RNF213: variants seen among roughly 807,000 people sequenced by gnomAD.
The protein encoded by RNF213 is ring finger protein 213, also known as E3 ubiquitin-protein ligase RNF213.
In RNF213, 341 loss-of-function variants were observed where a neutral mutation model predicts 514.4. The observed-to-expected ratio is 0.66, with a 90% CI of 0.61 to 0.73. RNF213 has a LOEUF of 0.73. RNF213 is among the 30% of genes least tolerant of loss of function. The probability of loss-of-function intolerance (pLI) is 0.00; values close to 1 mark genes in which losing one functional copy is unlikely to be tolerated. For synonymous variants in RNF213, 2,655 were observed against 2,658.2 expected (o/e 1.00, Z 0.04); for missense variants, 5,767 against 6,615.6 (o/e 0.87, Z 4.45).
chr17:80,314,300 G>C (rs1483222483), intron 15 of RNF213, among the ~76,000 whole-genome samples: 1 of 88,876 alleles, frequency 1.1e-5, no homozygotes, highest in Admixed American at 1.1e-4. Flanking sequence ...TGATGGTGGT[G>C]GACGTGATGG....
At chr17:80,326,399 C>T (rs1399936585) in intron 18 of RNF213, among the ~76,000 whole-genome samples, 1 of 152,186 alleles carries the variant, frequency 6.6e-6, no homozygotes, top group Non-Finnish European at 1.5e-5. Flanking sequence ...ACGGGCAGTA[C>T]CCTGTTAGTA....
At chr17:80,337,292 C>T (rs1259499490) in intron 23 of RNF213, among the ~76,000 whole-genome samples, 2 of 152,182 alleles carry the variant, frequency 1.3e-5, no homozygotes, top group Non-Finnish European at 2.9e-5. Context: ...GCTGCTCATT[C>T]CCCTCCACTC....
intron 59 of RNF213, 99 bp downstream of exon 59, chr17:80,384,027 A>T: frequency 7.0e-7 from 1 of 1,422,270 alleles, no homozygotes. Context: ...CATTCTTAAC[A>T]GACTATTCCA....
At chr17:80,289,884 C>G in intron 6 of RNF213, 47 bp downstream of exon 6, 1 of 1,542,584 alleles carries the variant, frequency 6.5e-7, no homozygotes, top group African/African-American at 1.4e-5. Context: ...GCCTGAGAGC[C>G]CGGCACACCC....
At chr17:80,351,218 G>A (rs1467879668) in intron 31 of RNF213, among the ~76,000 whole-genome samples, 1 of 152,222 alleles carries the variant, frequency 6.6e-6, no homozygotes, top group Non-Finnish European at 1.5e-5. Flanking sequence ...TACAGGGGCT[G>A]TTTCCTGTAA....
At position 80,383,075 on chromosome 17, in the gene RNF213, G is replaced by C; in HGVS notation, c.14070+5G>C. The C allele has an allele frequency of 6.2e-7, 1 of 1,604,428 alleles. No individual in the cohort carries two copies. Among genetic ancestry groups the C allele is most frequent in the South Asian group, 1.1e-5 (1 of 90,900 alleles). On this transcript the variant is annotated splice_donor_5th_base_variant and intron_variant, in intron 58 of 67. Transcript: ENST00000582970. The stretch of plus-strand genomic sequence containing the variant: ...GTGATTTCTCCTGAACTGGAGGTAA[G>C]CAGTAAGTGCTGACAGCTGGGTTGC...
chr17:80,340,608 GGTTTTT>G, intron 26 of RNF213: 1 of 224,786 alleles, frequency 4.4e-6, no homozygotes, highest in Non-Finnish European at 8.1e-6. Flanking sequence ...TGTACTTTGT[GGTTTTT>G]TTTTTTTTTT....
In RNF213 at chr17:80,373,181, G is replaced by A. The variant is rs370346019; in HGVS notation, c.12942+16G>A. The A allele has an allele frequency of 7.2e-5, 115 of 1,602,134 alleles. No individual in the cohort carries two copies. The Middle Eastern group carries it at 1.1e-3, about 15-fold the overall frequency. ...CAAGCAGCAGGTGAGAAGCGGGGCCGGGCAGCACACAAACATGCACCCCCA... is the reference window on the plus strand; with the variant it reads ...CAAGCAGCAGGTGAGAAGCGGGGCCAGGCAGCACACAAACATGCACCCCCA... On this transcript the variant is annotated intron_variant, in intron 49 of 67. Coordinates refer to ENST00000582970, the MANE Select transcript of RNF213 (RefSeq NM_001256071.3).
In RNF213 at chr17:80,317,223, G is replaced by T. The variant is rs140980905; in HGVS notation, c.2847G>T (p.Ala949=). 6.2e-7 allele frequency: 1 copy of T among 1,612,888 alleles called. No homozygotes were observed. The highest frequency in any genetic ancestry group is 8.5e-7 in the Non-Finnish European group (1 of 1,179,858). The change falls in exon 16 of 68, where the codon GCG becomes GCT. Residue 949 remains alanine (A), a synonymous_variant. Coordinates refer to ENST00000582970, the MANE Select transcript of RNF213 (RefSeq NM_001256071.3). The surrounding 1 kb of genome is among the most constrained non-coding windows in gnomAD (Gnocchi z 4.1). ...GGCTGGTGGAAATCCAATTCCCCGC[G>T]GAGCATGGCTGGAAGGAGTCGTTGC... ...WRRLVEIQFP[A]EHGWKESLLG... is the part of the protein sequence containing the mutation.
chr17:80,354,405 C>T (rs765365184), intron 35 of RNF213, 36 bp from the exon 36 acceptor site: 36 of 1,613,882 alleles, frequency 2.2e-5, no homozygotes, highest in South Asian at 4.4e-5. Context: ...AGCTCAGCCA[C>T]GGCCATGCTG....
chr17:80,269,412 C>CTATCTTTCTATCT (rs1567990690), intron 2 of RNF213, among the ~76,000 whole-genome samples: 1 of 150,162 alleles, frequency 6.7e-6, no homozygotes, highest in Admixed American at 6.6e-5. Flanking sequence ...ATCATCTATC[C>CTATCTTTCTATCT]ATCCATCCAT....
chr17:80,358,534 C>T (rs547534768), intron 37 of RNF213, 55 bp downstream of exon 37: 1 of 1,488,770 alleles, frequency 6.7e-7, no homozygotes, highest in African/African-American at 1.4e-5. Flanking sequence ...CACAGCAGGA[C>T]CCTAATATGC....
chr17:80,373,295 T>TACCCTCATACCCCCACACCTC, intron 49 of RNF213, 130 bp downstream of exon 49: 1 of 469,144 alleles, frequency 2.1e-6, no homozygotes, highest in Non-Finnish European at 3.7e-6. Flanking sequence ...CCCCACCACA[T>TACCCTCATACCCCCACACCTC]ACCCTCATAC....
intron 10 of RNF213, 91 bp from the exon 11 acceptor site, chr17:80,298,212 TCCTCTTGCTCTGTGTGCA>T: frequency 8.8e-7 from 1 of 1,138,508 alleles, no homozygotes; most frequent in Non-Finnish European, 1.3e-6. Context: ...CGCGCGGTGC[TCCTCTTGCTCTGTGTGCA>T]CGGTGCTTGC....
At chr17:80,310,695 G>A (rs1010984878) in intron 14 of RNF213, among the ~76,000 whole-genome samples, 3 of 152,118 alleles carry the variant, frequency 2.0e-5, no homozygotes, top group Admixed American at 2.0e-4. Context: ...TGGGATTACA[G>A]GCATGTGCCA....
rs748878775 is a variant in RNF213 at position 80,354,454 on chromosome 17, G to A, written c.10740G>A (p.Arg3580=). The part of the protein sequence containing the change: ...EDDACHASFL[R]VSKMRLSVFL... ...GCCTTTGTACAGCCTCTTTCTTGCG[G>A]GTATCCAAGATGCGCCTCAGTGTCT... The change falls in exon 36 of 68, where the codon CGG becomes CGA. Residue 3580 remains arginine, a synonymous_variant. Coordinates refer to ENST00000582970, the MANE Select transcript of RNF213 (RefSeq NM_001256071.3). 1.2e-6 allele frequency: 2 copies of A among 1,614,118 alleles called. No individual in the cohort carries two copies. The highest frequency in any genetic ancestry group is 2.7e-5 in the African/African-American group (2 of 74,928).
At chr17:80,357,757 T>G (rs1356461293) in intron 36 of RNF213, among the ~76,000 whole-genome samples, 2 of 152,172 alleles carry the variant, frequency 1.3e-5, no homozygotes, top group Non-Finnish European at 2.9e-5. Flanking sequence ...GGATTACTTG[T>G]GCCCAGGAGT....
chr17:80,276,084 TA>T (rs1288515474), intron 3 of RNF213, among the ~76,000 whole-genome samples: 1 of 149,512 alleles, frequency 6.7e-6, no homozygotes, highest in Non-Finnish European at 1.5e-5. Context: ...TTTATTTATT[TA>T]TTTTTTGTTT....
intron 13 of RNF213, among the ~76,000 whole-genome samples, chr17:80,308,112 C>G (rs2045435722): frequency 6.6e-6 from 1 of 152,062 alleles, no homozygotes; most frequent in African/African-American, 2.4e-5. Context: ...GAGGGGTCAG[C>G]AGACAGAATG....
Sources: gnomAD v4.1 joint callset for allele counts (sites outside exome capture counted in the v4.1 genomes callset) on GRCh38, gnomAD v4.1.1 for gene constraint, Gnocchi (gnomAD v3.1) non-coding constraint, MANE v1.5 for transcripts, NCBI Gene and HGNC (gene_info 2026-07-23, HGNC 2026-07-21) for gene names.